Variants in TDRD12 observed in about 807,000 individuals in gnomAD.
TDRD12 encodes the protein tudor domain containing 12.
Under a neutral mutation model 133.5 loss-of-function variants are expected in TDRD12, and 158 were observed. That is an observed-to-expected ratio of 1.18 (90% confidence interval 1.04 to 1.35). TDRD12 has a LOEUF of 1.35. Among genes scored for constraint, TDRD12 ranks in the 40% most tolerant of loss-of-function variants. The probability of loss-of-function intolerance (pLI) is 0.00; values close to 1 mark genes in which losing one functional copy is unlikely to be tolerated. For synonymous variants in TDRD12, 460 were observed against 477.9 expected, an observed-to-expected ratio of 0.96 and a Z score of 0.49; for missense variants, 1,443 against 1,321.3, an observed-to-expected ratio of 1.09 and a Z score of -1.43.
chr19:32,800,910 G>A (rs1971369049), intron 18 of TDRD12, 138 bp downstream of exon 18: 1 of 911,736 alleles, frequency 1.1e-6, no homozygotes, highest in Non-Finnish European at 1.5e-6. Flanking sequence ...AGAAGAGGAG[G>A]TGGGGTCTTC....
At chr19:32,749,671 A>T in intron 5 of TDRD12, 113 bp from the exon 6 acceptor site, 1 of 728,088 alleles carries the variant, frequency 1.4e-6, no homozygotes, top group Non-Finnish European at 2.2e-6. Flanking sequence ...CCCGAGGAAG[A>T]CATTTGGGCA....
downstream of TDRD12, chr19:32,829,499 T>A (rs1254982798): frequency 6.6e-6 from 1 of 152,248 alleles, no homozygotes; most frequent in Non-Finnish European, 1.5e-5. Context: ...GTCTCTATGC[T>A]TCTAAAATCG....
intron 9 of TDRD12, among the ~76,000 whole-genome samples, 159 bp from the exon 33 acceptor site, chr19:32,827,005 C>A (rs146390006): frequency 1.3e-5 from 2 of 152,176 alleles, no homozygotes; most frequent in African/African-American, 4.8e-5. Flanking sequence ...GTAAGCAGAC[C>A]AATTTGACCT....
chr19:32,736,151 T>C (rs1177310161), intron 2 of TDRD12, among the ~76,000 whole-genome samples: 1 of 152,186 alleles, frequency 6.6e-6, no homozygotes, highest in East Asian at 1.9e-4. Context: ...GCTCTACGAA[T>C]GGAACAAGAA....
At chr19:32,767,556 G>T (rs971174424) in intron 8 of TDRD12, among the ~76,000 whole-genome samples, 1 of 152,150 alleles carries the variant, frequency 6.6e-6, no homozygotes, top group Non-Finnish European at 1.5e-5. Flanking sequence ...TGTCATAAGC[G>T]TGCAGGCAGG....
intron 8 of TDRD12, among the ~76,000 whole-genome samples, chr19:32,768,192 G>C (rs940655519): frequency 3.3e-5 from 5 of 152,098 alleles, no homozygotes; most frequent in African/African-American, 1.2e-4. Flanking sequence ...GGAGTTTGCT[G>C]ACCCTGATCT....
chr19:32,796,563 CAAG>C (rs912392584), intron 14 of TDRD12, among the ~76,000 whole-genome samples: 1 of 146,180 alleles, frequency 6.8e-6, no homozygotes, highest in African/African-American at 2.5e-5. Flanking sequence ...CCAGCCTGGG[CAAG>C]AAGAGCCAAA....
At chr19:32,726,938 G>A (rs976571130) in intron 1 of TDRD12, among the ~76,000 whole-genome samples, 3 of 118,304 alleles carry the variant, frequency 2.5e-5, no homozygotes, top group South Asian at 5.4e-4. Context: ...TTCAATTCTC[G>A]TGGATCTACA....
At chr19:32,775,231 A>G (rs1014586340) in intron 10 of TDRD12, among the ~76,000 whole-genome samples, 2 of 152,084 alleles carry the variant, frequency 1.3e-5, no homozygotes, top group African/African-American at 2.4e-5. Flanking sequence ...CAATCTTGCT[A>G]TTCTGCAGAT....
At chr19:32,804,748 TA>T (rs1292954442) in intron 21 of TDRD12, among the ~76,000 whole-genome samples, 21 of 150,768 alleles carry the variant, frequency 1.4e-4, no homozygotes, top group Admixed American at 6.6e-5. Flanking sequence ...ATCAGTTACA[TA>T]GGAGGCTGAG....
At chr19:32,720,569 A>C (rs1209829535) in intron 1 of TDRD12, among the ~76,000 whole-genome samples, 2 of 5,402 alleles carry the variant, frequency 3.7e-4, no homozygotes, top group African/African-American at 1.1e-3. Context: ...AACCCCACAC[A>C]CCCCCAACTC....
chr19:32,759,718 A>G (rs1568463070), intron 8 of TDRD12, among the ~76,000 whole-genome samples: 1 of 152,362 alleles, frequency 6.6e-6, no homozygotes, highest in African/African-American at 2.4e-5. Flanking sequence ...GTCCTACTAT[A>G]CATACCTCTT....
chr19:32,741,358 A>G (rs1969420463), intron 3 of TDRD12, among the ~76,000 whole-genome samples: 3 of 152,230 alleles, frequency 2.0e-5, no homozygotes, highest in African/African-American at 7.2e-5. Context: ...CTGGGATTAC[A>G]GGCGTGAGCC....
chr19:32,807,161 G>A (rs1229108772), intron 21 of TDRD12, among the ~76,000 whole-genome samples: 2 of 150,900 alleles, frequency 1.3e-5, no homozygotes, highest in African/African-American at 2.4e-5. Context: ...GAGAAATAGG[G>A]TGGCTGAGCA....
chr19:32,801,046 A>G (rs1038123692), intron 18 of TDRD12, among the ~76,000 whole-genome samples: 3 of 152,030 alleles, frequency 2.0e-5, no homozygotes, highest in African/African-American at 7.3e-5. Context: ...AAAAGTATCA[A>G]TTTATAGACA....
At chr19:32,826,178 TG>T (rs1568503038), downstream of TDRD12, 1 of 1,534,460 alleles carries the variant, frequency 6.5e-7, no homozygotes, top group Non-Finnish European at 8.7e-7. Flanking sequence ...CCACTCGGCA[TG>T]GAGGAGTCGG....
At chr19:32,739,897 T>C (rs537014865) in intron 3 of TDRD12, among the ~76,000 whole-genome samples, 262 of 125,320 alleles carry the variant, frequency 2.1e-3, no homozygotes, top group East Asian at 0.014. Context: ...ATCTCCTGGG[T>C]GCTGTCTGCA....
intron 8 of TDRD12, among the ~76,000 whole-genome samples, chr19:32,767,911 G>A (rs755691): frequency 0.58 from 88,788 of 152,070 alleles, 26,749 homozygotes; most frequent in East Asian, 0.82. Context: ...CTATTTTTGT[G>A]CTACCTGTAA....
At chr19:32,749,069 G>C (rs1969742822) in intron 5 of TDRD12, among the ~76,000 whole-genome samples, 1 of 152,134 alleles carries the variant, frequency 6.6e-6, no homozygotes, top group African/African-American at 2.4e-5. Context: ...TTGGTGGATG[G>C]GAAACACCTG....
Sources: gnomAD v4.1 joint callset for allele counts (sites outside exome capture counted in the v4.1 genomes callset) on GRCh38, gnomAD v4.1.1 for gene constraint, MANE v1.5 for transcripts, NCBI Gene and HGNC (gene_info 2026-07-23, HGNC 2026-07-21) for gene names.